ELAC1: variants seen among roughly 807,000 people sequenced by gnomAD.
ELAC1 encodes elaC ribonuclease Z 1.
A neutral mutation model predicts 25.8 loss-of-function variants in ELAC1; 19 were observed. The observed-to-expected ratio is 0.74, with a 90% CI of 0.51 to 1.08. The LOEUF is 1.08. Among genes scored for constraint, ELAC1 ranks in the 50% least tolerant of loss-of-function variants. The pLI, the probability that ELAC1 is intolerant of heterozygous loss-of-function variation, is 0.00. For missense variants in ELAC1, 403 were observed against 434.6 expected (o/e 0.93, Z 0.65); for synonymous variants, 148 against 160.9 (o/e 0.92, Z 0.61).
chr18:50,984,523 A>T lies in ELAC1; in HGVS notation c.585A>T (p.Lys195Asn), dbSNP rs1260573101. Residue 195 changes from lysine (K) to asparagine (N), a missense_variant, in exon 3 of 4, where the codon AAA (lysine) becomes AAT (asparagine). Physicochemically the swap from Lys to Asn is moderately conservative, Grantham distance 94. Coordinates refer to ENST00000269466, the MANE Select transcript of ELAC1 (RefSeq NM_018696.3). The part of the protein sequence containing the change: ...PSFGFSVVEK[K>N]RPGKLNAQKL... ...TTGGGTTTTCAGTCGTGGAAAAGAA[A>T]CGCCCAGGTAAACTCAATGCACAGA... The T allele has an allele frequency of 1.1e-5, 17 of 1,614,072 alleles. No individual in the cohort carries two copies. Among genetic ancestry groups the T allele is most frequent in the Non-Finnish European group, 1.4e-5 (17 of 1,180,040 alleles).
At chr18:50,970,025 A>G (rs969597732) in intron 1 of ELAC1, among the ~76,000 whole-genome samples, 2 of 152,158 alleles carry the variant, frequency 1.3e-5, no homozygotes, top group African/African-American at 4.8e-5. Context: ...AACATGTCTC[A>G]CTTGCAGAAT....
intron 1 of ELAC1, among the ~76,000 whole-genome samples, chr18:50,970,193 C>T (rs1202194833): frequency 1.3e-5 from 2 of 152,078 alleles, no homozygotes; most frequent in Non-Finnish European, 2.9e-5. Context: ...GGCCTCAAGC[C>T]ATCCTGCCAC....
At position 50,987,119 on chromosome 18, in the gene ELAC1, G is replaced by A. The variant is rs1908133457; in HGVS notation, c.*34G>A. On this transcript the variant is annotated 3_prime_UTR_variant, in exon 4 of 4. Coordinates refer to ENST00000269466, the MANE Select transcript of ELAC1 (RefSeq NM_018696.3). ...TTCCTGAGTGCACACTGACATGTCT[G>A]TGAATATGTTACTGAACCTATAGTC... is the stretch of plus-strand genomic sequence containing the variant. 4 of 1,417,848 alleles carry A rather than the reference G, an allele frequency of 2.8e-6. No homozygotes were observed. The African/African-American group carries it at 5.7e-5, about 20-fold the overall frequency. The allele number at this position is 1,417,848 out of a possible 1,614,324, so 87.8% of individuals were successfully genotyped here.
rs569642471 is a variant in ELAC1, at chr18:50,982,282, T to C, written c.158-1814T>C. Among the ~76,000 whole-genome samples, 6 of 152,140 alleles carry C rather than the reference T, an allele frequency of 3.9e-5. No individual in the cohort carries two copies. In the South Asian group the frequency reaches 1.2e-3, roughly 31 times the overall value. ...CAAAAAGGAGCATATCGAGGAAACT[T>C]CTAGAGTGCCTCCTGGGGATTCGCA... is the stretch of plus-strand genomic sequence containing the variant. On this transcript the variant is annotated intron_variant, in intron 2 of 3. Coordinates refer to ENST00000269466, the MANE Select transcript of ELAC1 (RefSeq NM_018696.3).
chr18:50,984,399 G>A lies in ELAC1; in HGVS notation c.461G>A (p.Arg154Lys), dbSNP rs765664790. 1 of 1,614,158 alleles carries A rather than the reference G, an allele frequency of 6.2e-7. No individual in the cohort carries two copies. Among genetic ancestry groups the A allele is most frequent in the Non-Finnish European group, 8.5e-7 (1 of 1,180,014 alleles). Residue 154 changes from arginine to lysine, a missense_variant, in exon 3 of 4, where the codon AGA becomes AAA. Transcript: ENST00000269466. ...ADSPPKEEQG[R>K]TILLDSEENS... is the part of the protein sequence containing the mutation. The stretch of plus-strand genomic sequence containing the variant: ...AGTCCTCCCAAAGAGGAACAAGGAA[G>A]AACTATCCTGTTAGACTCAGAAGAA...
chr18:50,976,015 C>T (rs1907790446), intron 2 of ELAC1, among the ~76,000 whole-genome samples: 1 of 152,140 alleles, frequency 6.6e-6, no homozygotes. Flanking sequence ...CAGGAAAGAA[C>T]TGGCATGTTG....
Position 50,986,861 on chromosome 18 carries a change from G to A in ELAC1, c.868G>A (p.Gly290Ser), listed in dbSNP as rs201319922. ...DAQMDKAKEH[G>S]HSTPQMAATF... ...CCAGATGGACAAAGCAAAGGAGCAT[G>A]GCCACAGCACACCACAGATGGCAGC... The change falls in exon 4 of 4, where the codon GGC (glycine) becomes AGC (serine). Residue 290 changes from glycine to serine, a missense_variant. Physicochemically the swap from Gly to Ser is moderately conservative, Grantham distance 56. Coordinates refer to ENST00000269466, the MANE Select transcript of ELAC1 (RefSeq NM_018696.3). The A allele has an allele frequency of 1.5e-4, 239 of 1,614,030 alleles. 1 individual carries two copies. The highest frequency in any genetic ancestry group is 7.3e-5 in the Non-Finnish European group (86 of 1,180,030).
chr18:50,979,381 T>A (rs535031297), intron 2 of ELAC1, among the ~76,000 whole-genome samples: 4 of 152,272 alleles, frequency 2.6e-5, no homozygotes, highest in East Asian at 3.9e-4. Context: ...TTCTCAGCTC[T>A]TTCAGGTTGT....
intron 1 of ELAC1, among the ~76,000 whole-genome samples, chr18:50,973,141 C>A: frequency 6.6e-6 from 1 of 152,122 alleles, no homozygotes; most frequent in East Asian, 1.9e-4. Context: ...TCCCCCATTT[C>A]TGTTTTTATC....
chr18:50,980,763 G>C (rs1209978156), intron 2 of ELAC1, among the ~76,000 whole-genome samples: 5 of 67,876 alleles, frequency 7.4e-5, no homozygotes. Context: ...ACTCCATCTC[G>C]AAAAAAAAAA....
At position 50,984,129 on chromosome 18, in the gene ELAC1, A is replaced by G; in HGVS notation, c.191A>G (p.His64Arg). The G allele has an allele frequency of 8.1e-6, 13 of 1,612,372 alleles. No homozygotes were observed. Among genetic ancestry groups the G allele is most frequent in the Non-Finnish European group, 1.1e-5 (13 of 1,179,442 alleles). ...RITKIFITHLHGDHFFGLPGL... is the reference protein window; with the variant it reads ...RITKIFITHLRGDHFFGLPGL... ...ACCAAGATCTTCATCACACACCTTC[A>G]TGGAGACCATTTCTTTGGCCTTCCT... The change falls in exon 3 of 4, where the codon CAT (histidine) becomes CGT (arginine). Residue 64 changes from histidine to arginine, a missense_variant. Physicochemically the swap from His to Arg is conservative, Grantham distance 29. Transcript: ENST00000269466.
At chr18:50,971,912 G>GTA (rs66495742) in intron 1 of ELAC1, among the ~76,000 whole-genome samples, 3,956 of 76,374 alleles carry the variant, frequency 0.052, 67 homozygotes, top group East Asian at 0.086. Flanking sequence ...GTGTGTGTGT[G>GTA]TATATATATA....
intron 3 of ELAC1, among the ~76,000 whole-genome samples, chr18:50,986,393 G>A (rs1439663523): frequency 1.3e-5 from 2 of 152,164 alleles, no homozygotes; most frequent in Admixed American, 6.6e-5. Context: ...ACTAAAACTT[G>A]TCTGACATGT....
intron 3 of ELAC1, chr18:50,984,856 T>C: frequency 2.0e-6 from 1 of 489,950 alleles, no homozygotes; most frequent in Non-Finnish European, 3.6e-6. Context: ...CACTTGAACC[T>C]GGGAGGTCAA....
intron 2 of ELAC1, among the ~76,000 whole-genome samples, chr18:50,981,143 C>G (rs1907939921): frequency 6.6e-6 from 1 of 150,384 alleles, no homozygotes; most frequent in African/African-American, 2.5e-5. Flanking sequence ...ATTCTACACC[C>G]TATACTTATG....
At chr18:50,974,657 T>C (rs1462636193) in intron 2 of ELAC1, 96 bp downstream of exon 2, 4 of 1,202,872 alleles carry the variant, frequency 3.3e-6, no homozygotes, top group Non-Finnish European at 4.8e-6. Flanking sequence ...ACAGCCCTGA[T>C]GGTTGCATCC....
intron 2 of ELAC1, among the ~76,000 whole-genome samples, chr18:50,981,217 T>C (rs1371983125): frequency 6.6e-6 from 1 of 152,014 alleles, no homozygotes; most frequent in Non-Finnish European, 1.5e-5. Context: ...ATATAAAAAG[T>C]ATAAATGCTT....
In ELAC1 at chr18:50,979,485, T is replaced by C. The variant is rs1907884178; in HGVS notation, c.158-4611T>C. ...TGCTTCATGGTAGCTTGCTTCTTCA[T>C]AGCCAGCATGGGAGAAGGAGACTCT... On this transcript the variant is annotated intron_variant, in intron 2 of 3. Coordinates refer to ENST00000269466, the MANE Select transcript of ELAC1 (RefSeq NM_018696.3). Among the ~76,000 whole-genome samples, 4 of 152,286 alleles carry C rather than the reference T, an allele frequency of 2.6e-5. No individual in the cohort carries two copies. In the South Asian group the frequency reaches 8.3e-4, roughly 32 times the overall value.
chr18:50,980,265 G>T (rs1252000981), intron 2 of ELAC1, among the ~76,000 whole-genome samples: 3 of 151,950 alleles, frequency 2.0e-5, no homozygotes, highest in Non-Finnish European at 4.4e-5. Flanking sequence ...AGCCATGATT[G>T]AGCCACTGCA....
Sources: gnomAD v4.1 joint callset for allele counts (sites outside exome capture counted in the v4.1 genomes callset) on GRCh38, gnomAD v4.1.1 for gene constraint, MANE v1.5 for transcripts, NCBI Gene and HGNC (gene_info 2026-07-23, HGNC 2026-07-21) for gene names.